CACUL1: variants seen among roughly 807,000 people sequenced by gnomAD.
The protein encoded by CACUL1 is CDK2 associated cullin domain 1, also known as CDK2-associated and cullin domain-containing protein 1.
In CACUL1, 13 loss-of-function variants were observed where a neutral mutation model predicts 45.2. The observed-to-expected ratio is 0.29, with a 90% confidence interval of 0.19 to 0.46. The LOEUF (loss-of-function observed/expected upper bound fraction) is 0.46, where lower values mean the gene tolerates loss of function less well. Among genes scored for constraint, CACUL1 ranks in the 20% least tolerant of loss-of-function variants. The pLI is 1.00. For synonymous variants in CACUL1, 197 were observed against 174.2 expected (o/e 1.13, Z -1.03); for missense variants, 421 against 471.4 (o/e 0.89, Z 0.99).
chr10:118,746,803 A>ATT (rs1845847124), intron 1 of CACUL1, among the ~76,000 whole-genome samples: 1 of 152,268 alleles, frequency 6.6e-6, no homozygotes, highest in Non-Finnish European at 1.5e-5. Context: ...CAAAATTATA[A>ATT]GGCAAGCAAA....
rs542210957 is a variant in CACUL1 at position 118,701,045 on chromosome 10, C to T, written c.796+261G>A. ...CCCTACTGTCAGGAAAAAGGGGCGG[C>T]GGGGAGGGGGCAACAAGTTCTCAGG... On this transcript the variant is annotated intron_variant, in intron 5 of 8. Coordinates refer to ENST00000369151, the MANE Select transcript of CACUL1 (RefSeq NM_153810.5). Among the ~76,000 whole-genome samples, 36 of 152,076 alleles carry T rather than the reference C, an allele frequency of 2.4e-4. 1 individual carries two copies. The South Asian group carries it at 3.9e-3, about 17-fold the overall frequency.
intron 5 of CACUL1, among the ~76,000 whole-genome samples, chr10:118,699,201 C>G (rs911325699): frequency 3.3e-5 from 5 of 152,186 alleles, no homozygotes; most frequent in African/African-American, 1.2e-4. Context: ...AAGCCCAAAC[C>G]AATGAGGCCA....
chr10:118,710,652 C>T (rs898323099), intron 3 of CACUL1, among the ~76,000 whole-genome samples: 1 of 152,190 alleles, frequency 6.6e-6, no homozygotes, highest in African/African-American at 2.4e-5. Flanking sequence ...ACTGCACTCA[C>T]TTCCCTCACT....
rs536421993 is a variant in CACUL1 at position 118,691,459 on chromosome 10, TGGAAAA to T, written c.887-62_887-57del. ...AATCATATAAACACACCAAATTAAA[TGGAAAA>T]GGGAAAGTTTTCTTTTAAAATATAT... On this transcript the variant is annotated intron_variant, in intron 6 of 8. Coordinates refer to ENST00000369151, the MANE Select transcript of CACUL1 (RefSeq NM_153810.5). The T allele has an allele frequency of 1.0e-3, 1,546 of 1,491,832 alleles. 9 individuals carry two copies. The African/African-American group carries it at 0.012, about 11-fold the overall frequency. The allele number at this position is 1,491,832 out of a possible 1,614,324, so 92.4% of individuals were successfully genotyped here. A position where few individuals can be genotyped will look rare whatever the true frequency, so the allele number is the denominator to read the frequency against.
chr10:118,740,205 A>G (rs1362478024), intron 1 of CACUL1, among the ~76,000 whole-genome samples: 1 of 152,178 alleles, frequency 6.6e-6, no homozygotes, highest in East Asian at 1.9e-4. Flanking sequence ...CAATACAAAC[A>G]AGGCAACTAA....
At chr10:118,697,963 T>C (rs1028568922) in intron 5 of CACUL1, among the ~76,000 whole-genome samples, 1 of 152,174 alleles carries the variant, frequency 6.6e-6, no homozygotes, top group Non-Finnish European at 1.5e-5. Context: ...GATTATACCA[T>C]GGAGCCGATA....
At chr10:118,702,714 T>C (rs1282380107) in intron 4 of CACUL1, among the ~76,000 whole-genome samples, 1 of 152,008 alleles carries the variant, frequency 6.6e-6, no homozygotes, top group African/African-American at 2.4e-5. Flanking sequence ...CCCGAGTAGC[T>C]TGGATTACAG....
At position 118,754,498 on chromosome 10, in the gene CACUL1, T is replaced by G; in HGVS notation, c.265A>C (p.Met89Leu). 3.1e-6 allele frequency: 5 copies of G among 1,613,232 alleles called. No individual in the cohort carries two copies. The highest frequency in any genetic ancestry group is 3.4e-6 in the Non-Finnish European group (4 of 1,179,626). Residue 89 changes from methionine (M) to leucine (L), a missense_variant, in exon 1 of 9, where the codon ATG (methionine) becomes CTG (leucine). By Grantham distance (15) the Met-to-Leu change is conservative. Transcript: ENST00000369151. Reference protein sequence around the residue: ...QPPPEANGVIMMLKSCDAAAA... With the variant: ...QPPPEANGVILMLKSCDAAAA... ...GCCGCGTCGCAGCTCTTCAACATCA[T>G]GATCACCCCATTAGCCTCCGGCGGT...
At chr10:118,746,591 T>G (rs1310607032) in intron 1 of CACUL1, among the ~76,000 whole-genome samples, 1 of 151,970 alleles carries the variant, frequency 6.6e-6, no homozygotes, top group Non-Finnish European at 1.5e-5. Flanking sequence ...AAGAAAAAAT[T>G]GACAGTTTAG....
intron 4 of CACUL1, 58 bp from the exon 5 acceptor site, chr10:118,701,466 T>A (rs1375138293): frequency 1.1e-6 from 1 of 905,910 alleles, no homozygotes; most frequent in South Asian, 2.0e-5. Context: ...ATTAGTCTAA[T>A]GAACTGGAGC....
chr10:118,686,139 C>G lies in CACUL1; in HGVS notation c.1099G>C (p.Gly367Arg). 1.2e-6 allele frequency: 2 copies of G among 1,612,608 alleles called. No individual in the cohort carries two copies. Among genetic ancestry groups the G allele is most frequent in the Non-Finnish European group, 1.7e-6 (2 of 1,178,766 alleles). The change falls in exon 9 of 9, where the codon GGG becomes CGG. Residue 367 changes from glycine (G) to arginine (R), a missense_variant. By Grantham distance (125) the Gly-to-Arg change is moderately radical. Transcript: ENST00000369151. ...NSSSACASSR[G>R]YR ...ATTCAATACATTCACTATCTGTACC[C>G]CCTGGAACTTGCACATGCTGACGAG...
chr10:118,716,231 CAAA>C (rs1340982412), intron 3 of CACUL1, among the ~76,000 whole-genome samples: 1 of 124,082 alleles, frequency 8.1e-6, no homozygotes, highest in African/African-American at 3.0e-5. Context: ...GACTCCGTCT[CAAA>C]AAAAAAAAGA....
At chr10:118,714,620 A>T (rs1016734386) in intron 3 of CACUL1, among the ~76,000 whole-genome samples, 8 of 152,220 alleles carry the variant, frequency 5.3e-5, no homozygotes, top group African/African-American at 1.9e-4. Context: ...CTTTTTTTCA[A>T]GTGAAAATAC....
At chr10:118,727,777 G>A (rs765373349) in intron 3 of CACUL1, among the ~76,000 whole-genome samples, 1 of 152,174 alleles carries the variant, frequency 6.6e-6, no homozygotes, top group African/African-American at 2.4e-5. Context: ...TAAAACAGTC[G>A]AGAAATGATG....
intron 1 of CACUL1, among the ~76,000 whole-genome samples, chr10:118,738,892 T>TAAAAAAAAAA (rs150393133): frequency 3.2e-5 from 2 of 62,258 alleles, no homozygotes; most frequent in Non-Finnish European, 5.9e-5. Context: ...CAAGTGCTCT[T>TAAAAAAAAAA]AAAAAAAAAA....
chr10:118,697,254 G>C (rs887294524), intron 5 of CACUL1, among the ~76,000 whole-genome samples: 1 of 152,150 alleles, frequency 6.6e-6, no homozygotes, highest in Non-Finnish European at 1.5e-5. Context: ...TTTAACAAGT[G>C]AGGAAACTGA....
In CACUL1 at chr10:118,686,484, C is replaced by T. The variant is rs1030520969; in HGVS notation, c.1069+114G>A. On this transcript the variant is annotated intron_variant, in intron 8 of 8. Transcript: ENST00000369151. Reference sequence around the variant, plus strand: ...ATCCTGACCTTGATTACAAGCAGTGCCTTATGAGAACAACATGGGTATCAT... The same window carrying T: ...ATCCTGACCTTGATTACAAGCAGTGTCTTATGAGAACAACATGGGTATCAT... 1.1e-4 allele frequency: 95 copies of T among 860,062 alleles called. 1 individual carries two copies. In the South Asian group the frequency reaches 1.3e-3, roughly 11 times the overall value. 53.3% of individuals were successfully genotyped at this position (860,062 alleles called of 1,614,324 possible).
rs1245382506 is a variant in CACUL1 at position 118,685,999 on chromosome 10, C to CA, written c.*128dup. ...ATTACAAACCAAGTAAGAAGTCCAA[C>CA]ATCCTCTTCCATGAACAGCTTTGTG... On this transcript the variant is annotated 3_prime_UTR_variant, in exon 9 of 9. Coordinates refer to ENST00000369151, the MANE Select transcript of CACUL1 (RefSeq NM_153810.5). 11 of 476,554 alleles carry CA rather than the reference C, an allele frequency of 2.3e-5. No homozygotes were observed. The Admixed American group carries it at 3.0e-4, about 13-fold the overall frequency. The allele number at this position is 476,554 out of a possible 1,614,324, so 29.5% of individuals were successfully genotyped here.
Position 118,686,600 on chromosome 10 carries a change from T to C in CACUL1, c.1067A>G (p.Tyr356Cys), listed in dbSNP as rs1436496132. The change falls in exon 8 of 9, where the codon TAT (tyrosine) becomes TGT (cysteine). Residue 356 changes from tyrosine to cysteine, a missense_variant and splice_region_variant. Coordinates refer to ENST00000369151, the MANE Select transcript of CACUL1 (RefSeq NM_153810.5). Reference protein sequence around the residue: ...SRKRAGDELAYNSSSACASSR... With the variant: ...SRKRAGDELACNSSSACASSR... Reference sequence around the variant, plus strand: ...TGGGAAGGAACATCATTACTTACTATAAGCCAACTCATCCCCAGCTCTCTT... The same window carrying C: ...TGGGAAGGAACATCATTACTTACTACAAGCCAACTCATCCCCAGCTCTCTT... 6.2e-7 allele frequency: 1 copy of C among 1,612,532 alleles called. No homozygotes were observed. The highest frequency in any genetic ancestry group is 1.1e-5 in the South Asian group (1 of 91,042).
Sources: allele counts gnomAD v4.1 joint callset (sites outside exome capture counted in the v4.1 genomes callset), GRCh38; gene constraint gnomAD v4.1.1; transcripts MANE v1.5; gene names NCBI Gene and HGNC (gene_info 2026-07-23, HGNC 2026-07-21).